Variants in LSP1 observed in about 807,000 individuals in gnomAD.
LSP1 encodes lymphocyte specific protein 1, also known as lymphocyte-specific protein 1.
In LSP1, 32 loss-of-function variants were observed where a neutral mutation model predicts 49.3. The observed-to-expected ratio is 0.65, with a 90% CI of 0.49 to 0.87. The LOEUF is 0.87. Ranked by LOEUF, LSP1 falls within the 40% of genes least tolerant of loss-of-function variation. The pLI is 0.00. For synonymous variants in LSP1, 179 were observed against 178.8 expected (o/e 1.00, Z -0.01); for missense variants, 428 against 442.6 (o/e 0.97, Z 0.30).
chr11:1,889,278 A>T (rs1197040754), intron 10 of LSP1: 3 of 695,670 alleles, frequency 4.3e-6, no homozygotes, highest in Non-Finnish European at 8.0e-6. Context: ...AGGCCGGTAC[A>T]GGAAGGGCAG....
chr11:1,881,692 T>C (rs1848552637), intron 3 of LSP1, 96 bp downstream of exon 3: 1 of 1,370,192 alleles, frequency 7.3e-7, no homozygotes, highest in East Asian at 2.9e-5. Flanking sequence ...CCTCTGGACC[T>C]CGAGGGCGGG....
intron 10 of LSP1, chr11:1,890,326 G>A (rs1314174179): frequency 1.4e-6 from 1 of 712,934 alleles, no homozygotes; most frequent in East Asian, 2.7e-5. Flanking sequence ...GCGGGGTGCG[G>A]GCCCTCAGCA....
At chr11:1,867,444 C>T (rs975854278) in intron 1 of LSP1, among the ~76,000 whole-genome samples, 30 of 151,816 alleles carry the variant, frequency 2.0e-4, no homozygotes, top group African/African-American at 1.9e-4. Context: ...TCCAACAGCT[C>T]GGACTTCCCC....
In LSP1 at chr11:1,883,570, C is replaced by T; in HGVS notation, c.498+10C>T. On this transcript the variant is annotated intron_variant, in intron 4 of 10. Coordinates refer to ENST00000311604, the MANE Select transcript of LSP1 (RefSeq NM_002339.3). ...GGAGGAACAGGAGGAGGTGATGGCT[C>T]CACCTCAGAGGGTCTGGGTGTACCC... The T allele has an allele frequency of 3.1e-6, 5 of 1,603,628 alleles. No individual in the cohort carries two copies. The highest frequency in any genetic ancestry group is 4.3e-6 in the Non-Finnish European group (5 of 1,175,216).
chr11:1,880,234 C>T lies in LSP1; in HGVS notation c.191+10C>T, dbSNP rs750861469. ...CGAAGCAGGAGATGCTGTGAGCAGC[C>T]CCATAACGCGTGCCTGGGCTCTAGC... On this transcript the variant is annotated intron_variant, in intron 2 of 10. Transcript: ENST00000311604. The T allele has an allele frequency of 1.9e-6, 3 of 1,583,308 alleles. No individual in the cohort carries two copies. The highest frequency in any genetic ancestry group is 1.4e-5 in the African/African-American group (1 of 73,504).
At position 1,854,641 on chromosome 11, in the gene LSP1, G is replaced by T. The variant is rs574848810; in HGVS notation, c.53+1444G>T. Among the ~76,000 whole-genome samples, 3 of 152,166 alleles carry T rather than the reference G, an allele frequency of 2.0e-5. No individual in the cohort carries two copies. In the East Asian group the frequency reaches 5.8e-4, roughly 30 times the overall value. On this transcript the variant is annotated intron_variant, in intron 1 of 10. Transcript: ENST00000311604. ...AAGCAGAGGCCGGGGCTGGCTGAGGGCTGGGTCGGGACGTCCGTGCCTGTC... is the reference window on the plus strand; with the variant it reads ...AAGCAGAGGCCGGGGCTGGCTGAGGTCTGGGTCGGGACGTCCGTGCCTGTC...
intron 1 of LSP1, chr11:1,870,811 G>C (rs1847965633): frequency 1.0e-6 from 1 of 988,242 alleles, no homozygotes. Context: ...AGAGCCTCGA[G>C]CCGTTGCCAG....
chr11:1,871,665 C>T (rs1472116886), intron 1 of LSP1, among the ~76,000 whole-genome samples: 4 of 152,246 alleles, frequency 2.6e-5, no homozygotes, highest in Non-Finnish European at 4.4e-5. Flanking sequence ...TGCCGCTGCA[C>T]GGGCACCCCT....
chr11:1,870,807 T>C, intron 1 of LSP1: 9 of 988,138 alleles, frequency 9.1e-6, no homozygotes, highest in Non-Finnish European at 1.1e-5. Context: ...TGGCAGAGCC[T>C]CGAGCCGTTG....
intron 10 of LSP1, chr11:1,889,168 CT>C: frequency 1.5e-6 from 1 of 672,854 alleles, no homozygotes; most frequent in Non-Finnish European, 2.8e-6. Flanking sequence ...CAGCCAGTCG[CT>C]GTGCGGTTGA....
At chr11:1,881,723 C>CTCGAGGGTGG in intron 3 of LSP1, 127 bp downstream of exon 3, 1 of 1,100,816 alleles carries the variant, frequency 9.1e-7, no homozygotes, top group Non-Finnish European at 1.2e-6. Flanking sequence ...AGCAGGGCAC[C>CTCGAGGGTGG]GCGGAGCTCC....
At chr11:1,868,120 G>A (rs1252432386) in intron 1 of LSP1, among the ~76,000 whole-genome samples, 1 of 152,210 alleles carries the variant, frequency 6.6e-6, no homozygotes, top group Non-Finnish European at 1.5e-5. Flanking sequence ...GATGGTCAGG[G>A]GACCTCAAGA....
chr11:1,871,379 G>A (rs761068989), intron 1 of LSP1: 9 of 986,162 alleles, frequency 9.1e-6, no homozygotes, highest in Middle Eastern at 5.2e-4. Flanking sequence ...GGGTGCTGCC[G>A]GCACAGGGCT....
chr11:1,857,610 C>T (rs1225076053), intron 1 of LSP1, among the ~76,000 whole-genome samples: 1 of 152,186 alleles, frequency 6.6e-6, no homozygotes, highest in Non-Finnish European at 1.5e-5. Flanking sequence ...GGCCCCAGGG[C>T]TGGCCTTGCT....
At chr11:1,865,254 C>T in intron 1 of LSP1, 1 of 985,344 alleles carries the variant, frequency 1.0e-6, no homozygotes, top group Non-Finnish European at 1.2e-6. Context: ...GGCCTGGATA[C>T]CTCTTGAGGT....
In LSP1 at chr11:1,881,454, G is replaced by A. The variant is rs763948767; in HGVS notation, c.214G>A (p.Ala72Thr). Residue 72 changes from alanine (A) to threonine (T), a missense_variant, in exon 3 of 11, where the codon GCC (alanine) becomes ACC (threonine). Coordinates refer to ENST00000311604, the MANE Select transcript of LSP1 (RefSeq NM_002339.3). ...CAGCCTCAGCCTGAAGCCCTCGGAG[G>A]CCCCTGAACTGGATGAGGACGAGGG... ...EMLLSLKPSE[A>T]PELDEDEGFG... is the part of the protein sequence containing the mutation. The A allele has an allele frequency of 6.3e-7, 1 of 1,578,596 alleles. No individual in the cohort carries two copies. The highest frequency in any genetic ancestry group is 1.2e-5 in the South Asian group (1 of 86,204).
chr11:1,868,234 AGAGTGCCTTGT>A (rs1371449524), intron 1 of LSP1, among the ~76,000 whole-genome samples: 10 of 152,216 alleles, frequency 6.6e-5, no homozygotes, highest in Admixed American at 3.3e-4. Flanking sequence ...AGGCCGGCTG[AGAGTGCCTTGT>A]AGCCTGGCCC....
intron 1 of LSP1, chr11:1,870,286 AC>A (rs1339011712): frequency 1.5e-5 from 20 of 1,302,072 alleles, no homozygotes; most frequent in Non-Finnish European, 1.9e-5. Context: ...TCAGGGAGGC[AC>A]CAAAGCTTAC....
intron 10 of LSP1, chr11:1,890,504 CA>C (rs1848954640): frequency 1.4e-6 from 1 of 716,798 alleles, no homozygotes; most frequent in African/African-American, 1.7e-5. Context: ...GCTTGGGCAG[CA>C]GGGGCGGTGG....
Sources: gnomAD v4.1 joint callset for allele counts (sites outside exome capture counted in the v4.1 genomes callset) on GRCh38, gnomAD v4.1.1 for gene constraint, MANE v1.5 for transcripts, NCBI Gene and HGNC (gene_info 2026-07-23, HGNC 2026-07-21) for gene names.